The following SDK1 variants were observed in gnomAD, a reference collection of about 807,000 sequenced individuals.
SDK1 encodes protein sidekick-1.
Under a neutral mutation model 245.5 loss-of-function variants are expected in SDK1, and 157 were observed. The ratio of observed to expected loss-of-function variants is 0.64; its 90% CI spans 0.56 to 0.73. The LOEUF (loss-of-function observed/expected upper bound fraction) is 0.73, where lower values mean the gene tolerates loss of function less well. Ranked by LOEUF, SDK1 falls within the 30% of genes least tolerant of loss-of-function variation. The pLI is 0.00. For missense variants in SDK1, 3,583 were observed against 3,002.3 expected (o/e 1.19, Z -4.52); for synonymous variants, 1,647 against 1,278.5 (o/e 1.29, Z -6.15).
intron 1 of SDK1, among the ~76,000 whole-genome samples, chr7:3,603,075 G>C (rs1036745297): frequency 1.3e-5 from 2 of 151,756 alleles, no homozygotes; most frequent in African/African-American, 2.4e-5. Context: ...TGCTGTTTTG[G>C]TTACTGTAGC....
At chr7:4,112,734 A>T (rs898363119) in intron 23 of SDK1, among the ~76,000 whole-genome samples, 1 of 151,478 alleles carries the variant, frequency 6.6e-6, no homozygotes, top group African/African-American at 2.4e-5. Context: ...CTTTTAGGGG[A>T]AAAAGGGCAC....
At chr7:3,814,981 T>C (rs982382148) in intron 4 of SDK1, among the ~76,000 whole-genome samples, 3 of 151,562 alleles carry the variant, frequency 2.0e-5, no homozygotes, top group African/African-American at 7.3e-5. Context: ...GAGACTTTGC[T>C]GAAGTTGCTT....
At chr7:3,836,912 T>A (rs1337753106) in intron 5 of SDK1, among the ~76,000 whole-genome samples, 1 of 152,146 alleles carries the variant, frequency 6.6e-6, no homozygotes, top group Non-Finnish European at 1.5e-5. Context: ...CCTCCCTTCC[T>A]GGCTCTTAGA....
intron 1 of SDK1, among the ~76,000 whole-genome samples, chr7:3,545,564 C>G (rs1779195535): frequency 6.6e-6 from 1 of 152,174 alleles, no homozygotes; most frequent in African/African-American, 2.4e-5. Context: ...GGACAAGGAG[C>G]CATTTCATCC....
chr7:3,562,626 A>G (rs1038039421), intron 1 of SDK1, among the ~76,000 whole-genome samples: 1 of 152,192 alleles, frequency 6.6e-6, no homozygotes, highest in Admixed American at 6.5e-5. Flanking sequence ...ACTGGTTTTT[A>G]AAACTATTTT....
At chr7:3,790,786 G>A (rs1175833720) in intron 4 of SDK1, among the ~76,000 whole-genome samples, 1 of 152,130 alleles carries the variant, frequency 6.6e-6, no homozygotes, top group African/African-American at 2.4e-5. Flanking sequence ...AAACAAGAGC[G>A]AAACTGTCGC....
intron 1 of SDK1, among the ~76,000 whole-genome samples, chr7:3,460,162 T>C (rs1023859553): frequency 1.3e-5 from 2 of 152,220 alleles, no homozygotes; most frequent in African/African-American, 4.8e-5. Context: ...ATTTATCTTT[T>C]TGATGGGAAA....
chr7:4,210,585 C>A (rs1315511763), intron 38 of SDK1, among the ~76,000 whole-genome samples: 1 of 152,104 alleles, frequency 6.6e-6, no homozygotes. Context: ...CCTCAGCATC[C>A]TAGGAGGGAT....
intron 4 of SDK1, among the ~76,000 whole-genome samples, chr7:3,817,910 A>G (rs1399434315): frequency 6.6e-6 from 1 of 152,224 alleles, no homozygotes; most frequent in Non-Finnish European, 1.5e-5. Context: ...CTGCACAGAT[A>G]CTTTGCTCAT....
chr7:3,559,768 A>C (rs572966318), intron 1 of SDK1, among the ~76,000 whole-genome samples: 4 of 152,176 alleles, frequency 2.6e-5, no homozygotes, highest in East Asian at 1.9e-4. Flanking sequence ...AAAAAAAAAA[A>C]AAAAACACAA....
At chr7:4,193,131 T>G (rs1459482898) in intron 35 of SDK1, among the ~76,000 whole-genome samples, 1 of 132,952 alleles carries the variant, frequency 7.5e-6, no homozygotes, top group Non-Finnish European at 1.6e-5. Flanking sequence ...ATATAATATA[T>G]AAATATATTA....
At chr7:3,708,106 A>C (rs900271989) in intron 4 of SDK1, among the ~76,000 whole-genome samples, 2 of 152,182 alleles carry the variant, frequency 1.3e-5, no homozygotes, top group African/African-American at 2.4e-5. Context: ...GTCATGGCAG[A>C]AGGCAAAGAG....
chr7:3,518,821 G>A (rs1056860855), intron 1 of SDK1, among the ~76,000 whole-genome samples: 1 of 152,088 alleles, frequency 6.6e-6, no homozygotes, highest in Non-Finnish European at 1.5e-5. Flanking sequence ...AAGGAAATCA[G>A]TTTATCAAAG....
intron 1 of SDK1, among the ~76,000 whole-genome samples, chr7:3,422,991 C>G (rs1228323975): frequency 6.6e-6 from 1 of 152,120 alleles, no homozygotes; most frequent in Non-Finnish European, 1.5e-5. Context: ...GTGTAATGAA[C>G]ACTCATTAGC....
intron 13 of SDK1, among the ~76,000 whole-genome samples, chr7:3,978,072 G>C (rs548110243): frequency 1.3e-5 from 2 of 151,982 alleles, no homozygotes; most frequent in East Asian, 3.9e-4. Context: ...CCTTCCTTTC[G>C]GGTCTCAGAC....
chr7:3,826,573 A>G (rs1779781300), intron 5 of SDK1, among the ~76,000 whole-genome samples: 1 of 152,158 alleles, frequency 6.6e-6, no homozygotes, highest in Non-Finnish European at 1.5e-5. Context: ...TCAGTTGTCC[A>G]CTTTGTGAGA....
chr7:3,662,767 A>C (rs1056464336), intron 4 of SDK1, among the ~76,000 whole-genome samples: 41 of 152,198 alleles, frequency 2.7e-4, no homozygotes, highest in African/African-American at 8.7e-4. Flanking sequence ...TGAAATTTCA[A>C]ATGCTTCAAA....
At chr7:4,259,121 G>A (rs73303720) in intron 44 of SDK1, among the ~76,000 whole-genome samples, 202 of 152,152 alleles carry the variant, frequency 1.3e-3, no homozygotes, top group African/African-American at 4.8e-3. Context: ...CCACCTCAAG[G>A]CCCCTAGAAA....
intron 1 of SDK1, among the ~76,000 whole-genome samples, chr7:3,576,996 C>T (rs888701797): frequency 6.6e-6 from 1 of 151,934 alleles, no homozygotes; most frequent in South Asian, 2.1e-4. Context: ...GATGGACTTC[C>T]ATCATTTTTC....
Sources: allele counts gnomAD v4.1 joint callset (sites outside exome capture counted in the v4.1 genomes callset), GRCh38; gene constraint gnomAD v4.1.1; transcripts MANE v1.5; gene names NCBI Gene and HGNC (gene_info 2026-07-23, HGNC 2026-07-21).